DOCK9: variants seen among roughly 807,000 people sequenced by gnomAD.
DOCK9 encodes dedicator of cytokinesis 9.
A neutral mutation model predicts 263.3 loss-of-function variants in DOCK9; 89 were observed. That is an observed-to-expected ratio of 0.34 (90% CI 0.28 to 0.40). DOCK9 has a LOEUF of 0.40. Ranked by LOEUF, DOCK9 falls within the 10% of genes least tolerant of loss-of-function variation. The pLI, the probability that DOCK9 is intolerant of heterozygous loss-of-function variation, is 1.00. For synonymous variants in DOCK9, 976 were observed against 973.1 expected (o/e 1.00, Z -0.06); for missense variants, 2,140 against 2,603.4 (o/e 0.82, Z 3.87).
Position 98,836,684 on chromosome 13 carries a change from T to C in DOCK9, c.4314+810A>G, listed in dbSNP as rs368458543. On this transcript the variant is annotated intron_variant, in intron 39 of 52. Transcript: ENST00000682017. Reference sequence around the variant, plus strand: ...ATGGGGACAAGAGAGGGGTGGCGGCTAAGGAGAGTAAAGGTATATAATAAT... The same window carrying C: ...ATGGGGACAAGAGAGGGGTGGCGGCCAAGGAGAGTAAAGGTATATAATAAT... 8.3e-4 allele frequency among the ~76,000 whole-genome samples: 126 copies of C among 152,202 alleles called. 2 individuals carry two copies. Among genetic ancestry groups the C allele is most frequent in the African/African-American group, 2.8e-3 (117 of 41,534 alleles).
intron 2 of DOCK9, among the ~76,000 whole-genome samples, chr13:98,938,871 T>C (rs180753634): frequency 1.3e-5 from 2 of 152,328 alleles, no homozygotes; most frequent in African/African-American, 2.4e-5. Context: ...CCTGGGACCA[T>C]ATGAGCAATG....
At chr13:99,036,130 A>G (rs1340311821) in intron 1 of DOCK9, among the ~76,000 whole-genome samples, 1 of 152,228 alleles carries the variant, frequency 6.6e-6, no homozygotes, top group Non-Finnish European at 1.5e-5. Context: ...ATATGGATAC[A>G]TGGATGTATA....
intron 1 of DOCK9, among the ~76,000 whole-genome samples, chr13:99,084,138 T>C (rs2042236272): frequency 1.3e-5 from 2 of 152,186 alleles, no homozygotes; most frequent in Middle Eastern, 3.2e-3. Context: ...CCAGAACTTA[T>C]GTGGCAGGTG....
intron 34 of DOCK9, chr13:98,854,728 G>A (rs1414009872): frequency 6.6e-6 from 1 of 152,152 alleles, no homozygotes; most frequent in Non-Finnish European, 1.5e-5. Context: ...TGCCTTCGGA[G>A]CAGCTTCTCC....
chr13:98,968,896 C>T (rs2059455248), intron 1 of DOCK9, among the ~76,000 whole-genome samples: 1 of 152,220 alleles, frequency 6.6e-6, no homozygotes, highest in Non-Finnish European at 1.5e-5. Context: ...TGAACTCTTT[C>T]TCCCTGGAAG....
chr13:98,818,489 A>C (rs998836125), intron 45 of DOCK9, among the ~76,000 whole-genome samples: 3 of 152,200 alleles, frequency 2.0e-5, no homozygotes, highest in Non-Finnish European at 4.4e-5. Context: ...TAGGGCAGTC[A>C]TATGGAGTGC....
At chr13:99,051,855 C>CAAAAAAAAAAAAAAAAA (rs11392986) in intron 1 of DOCK9, among the ~76,000 whole-genome samples, 5 of 106,054 alleles carry the variant, frequency 4.7e-5, no homozygotes, top group Non-Finnish European at 5.7e-5. Context: ...CCACTAGTGG[C>CAAAAAAAAAAAAAAAAA]AAAAAAAAAA....
intron 13 of DOCK9, 25 bp downstream of exon 13, chr13:98,901,753 C>A (rs775197764): frequency 1.2e-6 from 2 of 1,608,288 alleles, no homozygotes; most frequent in Non-Finnish European, 1.7e-6. Flanking sequence ...TTTTTACCAC[C>A]CCAAAGCGTA....
At chr13:99,037,664 C>A (rs955652741) in intron 1 of DOCK9, among the ~76,000 whole-genome samples, 11 of 152,106 alleles carry the variant, frequency 7.2e-5, no homozygotes, top group African/African-American at 2.4e-4. Flanking sequence ...AATTTGTACA[C>A]AAATATTCAT....
In DOCK9 at chr13:98,829,323, T is replaced by C; in HGVS notation, c.4949A>G (p.Asn1650Ser). ...GGCTACTACCTCTGAGAGATCGCCA[T>C]TTTTGACATGGATCCTGGCCATGCT... ...LDSMARIHVKNGDLSEAAMCY... is the reference protein window; with the variant it reads ...LDSMARIHVKSGDLSEAAMCY... The change falls in exon 43 of 53, where the codon AAT becomes AGT. Residue 1650 changes from asparagine (N) to serine (S), a missense_variant. Physicochemically the swap from Asn to Ser is conservative, Grantham distance 46. This residue lies in a region of DOCK9 where 619 missense variants were observed against 861.8 expected (regional missense o/e 0.72). Coordinates refer to ENST00000682017, the MANE Select transcript of DOCK9 (RefSeq NM_001366683.2). This position sits in a 1 kb window ranked among gnomAD's most constrained non-coding sequence, Gnocchi z 4.1. 8 of 1,612,716 alleles carry C rather than the reference T, an allele frequency of 5.0e-6. No homozygotes were observed. Among genetic ancestry groups the C allele is most frequent in the Non-Finnish European group, 6.8e-6 (8 of 1,179,450 alleles).
At chr13:99,074,639 G>A (rs986335518) in intron 1 of DOCK9, among the ~76,000 whole-genome samples, 3 of 18,098 alleles carry the variant, frequency 1.7e-4, no homozygotes, top group African/African-American at 1.7e-3. Flanking sequence ...AACAACAGAT[G>A]AGCCAATCAA....
At chr13:98,985,758 C>T (rs1359627913) in intron 1 of DOCK9, among the ~76,000 whole-genome samples, 2 of 152,202 alleles carry the variant, frequency 1.3e-5, no homozygotes, top group Non-Finnish European at 2.9e-5. Context: ...AATCTTGTTT[C>T]GCGTGATCTG....
intron 3 of DOCK9, among the ~76,000 whole-genome samples, chr13:98,926,650 T>C (rs1209215591): frequency 2.0e-5 from 3 of 152,334 alleles, no homozygotes; most frequent in African/African-American, 4.8e-5. Flanking sequence ...AAGATTATAA[T>C]GCCACATCCA....
intron 1 of DOCK9, among the ~76,000 whole-genome samples, chr13:98,965,020 T>C (rs2059056659): frequency 6.6e-6 from 1 of 152,154 alleles, no homozygotes; most frequent in Non-Finnish European, 1.5e-5. Context: ...AATATTGGAA[T>C]AGTGTTCATT....
chr13:99,016,448 G>A (rs1201516598), intron 1 of DOCK9, among the ~76,000 whole-genome samples: 1 of 152,158 alleles, frequency 6.6e-6, no homozygotes, highest in Non-Finnish European at 1.5e-5. Context: ...ATGCAAATGA[G>A]AACATGAATA....
chr13:99,050,192 T>C (rs1266973649), intron 1 of DOCK9, among the ~76,000 whole-genome samples: 1 of 152,170 alleles, frequency 6.6e-6, no homozygotes, highest in Non-Finnish European at 1.5e-5. Context: ...GTAGTTTATC[T>C]ATGTCACAGA....
At chr13:98,867,336 C>A (rs538591631) in intron 30 of DOCK9, 89 bp downstream of exon 30, 3 of 808,084 alleles carry the variant, frequency 3.7e-6, no homozygotes, top group African/African-American at 3.5e-5. Flanking sequence ...TCAGAAAATT[C>A]AAATATCATG....
chr13:98,995,114 C>T (rs192442075), intron 1 of DOCK9, among the ~76,000 whole-genome samples: 2 of 152,178 alleles, frequency 1.3e-5, no homozygotes, highest in African/African-American at 2.4e-5. Flanking sequence ...CATGTGCAGG[C>T]CCATCAGTCA....
chr13:98,861,588 T>C (rs1478593146), intron 32 of DOCK9, among the ~76,000 whole-genome samples: 1 of 152,190 alleles, frequency 6.6e-6, no homozygotes, highest in Non-Finnish European at 1.5e-5. Context: ...AGGTTAACCT[T>C]TAAAAAGCCT....
Sources: allele counts gnomAD v4.1 joint callset (sites outside exome capture counted in the v4.1 genomes callset), GRCh38; gene constraint gnomAD v4.1.1; regional missense constraint gnomAD v4.1.1; non-coding constraint Gnocchi (gnomAD v3.1); transcripts MANE v1.5; gene names NCBI Gene and HGNC (gene_info 2026-07-23, HGNC 2026-07-21).